Variants in COQ10B observed in about 807,000 individuals in gnomAD.
COQ10B encodes coenzyme Q-binding protein COQ10 homolog B, mitochondrial.
A neutral mutation model predicts 27.6 loss-of-function variants in COQ10B; 12 were observed. The ratio of observed to expected loss-of-function variants is 0.43; its 90% CI spans 0.28 to 0.70. The LOEUF is 0.70. Ranked by LOEUF, COQ10B falls within the 30% of genes least tolerant of loss-of-function variation. COQ10B has a pLI of 0.17. For synonymous variants in COQ10B, 115 were observed against 103.0 expected, an observed-to-expected ratio of 1.12 and a Z score of -0.71; for missense variants, 278 against 288.7, an observed-to-expected ratio of 0.96 and a Z score of 0.27.
intron 1 of COQ10B, among the ~76,000 whole-genome samples, chr2:197,458,433 A>T (rs773643742): frequency 4.6e-5 from 7 of 151,178 alleles, no homozygotes; most frequent in Non-Finnish European, 7.4e-5. Flanking sequence ...TCCTAATTAC[A>T]CCTCCCTCTT....
At chr2:197,459,650 G>A (rs1012963655) in intron 1 of COQ10B, among the ~76,000 whole-genome samples, 1 of 152,072 alleles carries the variant, frequency 6.6e-6, no homozygotes. Flanking sequence ...CTTATGGTAA[G>A]AGTAAGTTGT....
rs1043283186 is a variant in COQ10B at position 197,474,577 on chromosome 2, T to A, written c.*653T>A. ...GGCACACACCTGTAATCCCAGTTAC[T>A]TGGGAGGCTGAGGCACAAGAATCGC... is the stretch of plus-strand genomic sequence containing the variant. On this transcript the variant is annotated 3_prime_UTR_variant, in exon 5 of 5. Transcript: ENST00000263960. 6.6e-6 allele frequency: 1 copy of A among 152,326 alleles called. No individual in the cohort carries two copies. Among genetic ancestry groups the A allele is most frequent in the South Asian group, 2.1e-4 (1 of 4,832 alleles). 9.4% of individuals were successfully genotyped at this position (152,326 alleles called of 1,614,324 possible). A position where few individuals can be genotyped will look rare whatever the true frequency, so the allele number is the denominator to read the frequency against.
intron 3 of COQ10B, among the ~76,000 whole-genome samples, chr2:197,467,511 G>A (rs947047411): frequency 2.0e-5 from 3 of 152,130 alleles, no homozygotes; most frequent in Non-Finnish European, 4.4e-5. Context: ...CTGTGTAGCT[G>A]GGATTAAAGG....
In COQ10B at chr2:197,464,068, C is replaced by T. The variant is rs201852967; in HGVS notation, c.447+1337C>T. On this transcript the variant is annotated intron_variant, in intron 3 of 4. Coordinates refer to ENST00000263960, the MANE Select transcript of COQ10B (RefSeq NM_025147.5). ...ATATATATACGTATATATATATATACACACACACACACATATATATATATA... is the reference window on the plus strand; with the variant it reads ...ATATATATACGTATATATATATATATACACACACACACATATATATATATA... Among the ~76,000 whole-genome samples, 391 of 103,840 alleles carry T rather than the reference C, an allele frequency of 3.8e-3. 2 individuals are homozygous for T. Among genetic ancestry groups the T allele is most frequent in the African/African-American group, 0.011 (337 of 30,964 alleles). 68.1% of individuals were successfully genotyped at this position (103,840 alleles called of 152,430 possible).
At chr2:197,457,419 G>A (rs933632392) in intron 1 of COQ10B, among the ~76,000 whole-genome samples, 6 of 152,082 alleles carry the variant, frequency 3.9e-5, no homozygotes, top group Non-Finnish European at 7.4e-5. Context: ...TGTATGTATC[G>A]AAACATAGAA....
chr2:197,454,534 C>T (rs552387790), intron 1 of COQ10B, among the ~76,000 whole-genome samples: 24 of 151,856 alleles, frequency 1.6e-4, no homozygotes, highest in Non-Finnish European at 2.8e-4. Flanking sequence ...ACACCAACAA[C>T]CTTACCAAAT....
chr2:197,461,288 T>G (rs2085754891), intron 2 of COQ10B, among the ~76,000 whole-genome samples: 1 of 152,182 alleles, frequency 6.6e-6, no homozygotes. Context: ...ATCCAACTTT[T>G]GACCTCTGTA....
intron 4 of COQ10B, among the ~76,000 whole-genome samples, chr2:197,473,413 AAAATATATATAT>A (rs2085901103): frequency 1.7e-5 from 1 of 58,640 alleles, no homozygotes; most frequent in Non-Finnish European, 3.4e-5. Context: ...AAAAAAAAAA[AAAATATATATAT>A]ATATATATAT....
At chr2:197,468,267 C>T (rs1028847561) in intron 3 of COQ10B, among the ~76,000 whole-genome samples, 1 of 151,600 alleles carries the variant, frequency 6.6e-6, no homozygotes, top group East Asian at 1.9e-4. Context: ...GGTGAAACCC[C>T]ATATCTAGTA....
intron 3 of COQ10B, among the ~76,000 whole-genome samples, chr2:197,468,544 T>C (rs2085848990): frequency 6.6e-6 from 1 of 152,128 alleles, no homozygotes; most frequent in African/African-American, 2.4e-5. Flanking sequence ...TATAAGCTTC[T>C]TAAATGATTG....
chr2:197,456,719 C>T (rs1220116392), intron 1 of COQ10B, among the ~76,000 whole-genome samples: 1 of 151,568 alleles, frequency 6.6e-6, no homozygotes, highest in Non-Finnish European at 1.5e-5. Flanking sequence ...GAGCCTAGAT[C>T]ACACCACTGC....
chr2:197,458,554 TCTTAA>T (rs761218152), intron 1 of COQ10B, among the ~76,000 whole-genome samples: 40 of 152,310 alleles, frequency 2.6e-4, no homozygotes, highest in South Asian at 1.4e-3. Context: ...CTTAGCACAG[TCTTAA>T]CTTAGAATAG....
chr2:197,454,469 C>G (rs1021877034), intron 1 of COQ10B, among the ~76,000 whole-genome samples: 4 of 151,924 alleles, frequency 2.6e-5, no homozygotes, highest in Admixed American at 6.6e-5. Flanking sequence ...TCCGACCCTA[C>G]TGGAAACAAG....
intron 1 of COQ10B, 32 bp from the exon 2 acceptor site, chr2:197,459,900 C>T (rs1377992073): frequency 2.0e-6 from 3 of 1,510,400 alleles, no homozygotes; most frequent in East Asian, 4.8e-5. Context: ...TTTTTACTGT[C>T]ACTCTAAATC....
rs199960366 is a variant in COQ10B, at chr2:197,458,120, T to TC, written c.105-1812_105-1811insC. On this transcript the variant is annotated intron_variant, in intron 1 of 4. Coordinates refer to ENST00000263960, the MANE Select transcript of COQ10B (RefSeq NM_025147.5). Reference sequence around the variant, plus strand: ...TTGGGGTCATATTTTCTTTTTCTTTTTTTTTTTTCTTCTTTTGAGACGGAG... The same window carrying TC: ...TTGGGGTCATATTTTCTTTTTCTTTTCTTTTTTTTCTTCTTTTGAGACGGAG... Among the ~76,000 whole-genome samples, 182 of 151,434 alleles carry TC rather than the reference T, an allele frequency of 1.2e-3. 3 individuals are homozygous for TC. The East Asian group carries it at 0.033, about 27-fold the overall frequency.
intron 4 of COQ10B, among the ~76,000 whole-genome samples, chr2:197,471,145 CTTTTTTTA>C (rs1261104473): frequency 6.6e-6 from 1 of 151,958 alleles, no homozygotes; most frequent in Non-Finnish European, 1.5e-5. Context: ...TGGTAACTTT[CTTTTTTTA>C]TTTTTTTGAG....
intron 2 of COQ10B, 130 bp downstream of exon 2, chr2:197,460,211 T>A: frequency 2.7e-5 from 5 of 183,312 alleles, no homozygotes; most frequent in Non-Finnish European, 4.1e-5. Context: ...GGCCTTTTTC[T>A]TTTTTTTTTT....
At chr2:197,460,598 A>G (rs1162287390) in intron 2 of COQ10B, among the ~76,000 whole-genome samples, 1 of 152,192 alleles carries the variant, frequency 6.6e-6, no homozygotes, top group African/African-American at 2.4e-5. Context: ...TATGACTTAC[A>G]TTTTTTGTAC....
Position 197,462,716 on chromosome 2 carries a change from A to G in COQ10B, c.432A>G (p.Lys144=). 1 of 1,514,896 alleles carries G rather than the reference A, an allele frequency of 6.6e-7. No homozygotes were observed. Among genetic ancestry groups the G allele is most frequent in the Non-Finnish European group, 8.8e-7 (1 of 1,136,186 alleles). 93.8% of individuals were successfully genotyped at this position (1,514,896 alleles called of 1,614,324 possible). Residue 144 remains lysine (K), a synonymous_variant, in exon 3 of 5, where the codon AAA becomes AAG. Coordinates refer to ENST00000263960, the MANE Select transcript of COQ10B (RefSeq NM_025147.5). ...ATACATCAGTAGTAACCTTGGTGAAACCTCATTTAGTAAAGGTAACAGTTT... is the reference window on the plus strand; with the variant it reads ...ATACATCAGTAGTAACCTTGGTGAAGCCTCATTTAGTAAAGGTAACAGTTT... ...ERYTSVVTLV[K]PHLVKASCTD... is the part of the protein sequence containing the mutation.
Sources: allele counts gnomAD v4.1 joint callset (sites outside exome capture counted in the v4.1 genomes callset), GRCh38; gene constraint gnomAD v4.1.1; transcripts MANE v1.5; gene names NCBI Gene and HGNC (gene_info 2026-07-23, HGNC 2026-07-21).